The following PPP1R12A variants were observed in gnomAD, a reference collection of about 807,000 sequenced individuals.
PPP1R12A encodes the protein myosin binding subunit.
Under a neutral mutation model 139.6 loss-of-function variants are expected in PPP1R12A, and 19 were observed. That is an observed-to-expected ratio of 0.14 (90% confidence interval 0.09 to 0.20). The LOEUF (loss-of-function observed/expected upper bound fraction) is 0.20, where lower values mean the gene tolerates loss of function less well. PPP1R12A is among the 10% of genes least tolerant of loss of function. The pLI is 1.00. For synonymous variants in PPP1R12A, 427 were observed against 420.6 expected (o/e 1.02, Z -0.19); for missense variants, 925 against 1,211.5 (o/e 0.76, Z 3.51).
intron 1 of PPP1R12A, among the ~76,000 whole-genome samples, chr12:79,879,715 C>G (rs1346478962): frequency 6.6e-6 from 1 of 152,120 alleles, no homozygotes; most frequent in Admixed American, 6.6e-5. Context: ...GGGAGAATGA[C>G]AGGAGGGACA....
At chr12:79,855,949 G>A (rs1179225464) in intron 2 of PPP1R12A, among the ~76,000 whole-genome samples, 2 of 151,438 alleles carry the variant, frequency 1.3e-5, no homozygotes, top group Non-Finnish European at 2.9e-5. Context: ...TAAGCACTTG[G>A]TAAACGTTAG....
intron 1 of PPP1R12A, among the ~76,000 whole-genome samples, chr12:79,912,004 T>G (rs1206702825): frequency 6.6e-6 from 1 of 152,210 alleles, no homozygotes; most frequent in Non-Finnish European, 1.5e-5. Context: ...CTATACTGTT[T>G]GCTATACCAT....
chr12:79,826,662 A>G (rs1028263368), intron 5 of PPP1R12A, among the ~76,000 whole-genome samples: 1 of 152,212 alleles, frequency 6.6e-6, no homozygotes, highest in African/African-American at 2.4e-5. Flanking sequence ...CTCTGATAGC[A>G]AAATTATGAT....
chr12:79,913,984 C>CTTAA (rs1289957731), intron 1 of PPP1R12A: 1 of 152,012 alleles, frequency 6.6e-6, no homozygotes, highest in African/African-American at 2.4e-5. Context: ...ATTCAGCTGT[C>CTTAA]TTAATTAAGA....
At chr12:79,777,154 T>C in intron 24 of PPP1R12A, 3 of 880,348 alleles carry the variant, frequency 3.4e-6, no homozygotes, top group Middle Eastern at 5.9e-4. Context: ...AGCTTCAAAA[T>C]ATATTAATTA....
chr12:79,858,748 T>C (rs775250099), intron 2 of PPP1R12A, among the ~76,000 whole-genome samples: 1 of 152,238 alleles, frequency 6.6e-6, no homozygotes, highest in Middle Eastern at 3.4e-3. Flanking sequence ...TGAGGCAAGA[T>C]GCCTAGTCTG....
chr12:79,882,748 T>C (rs1270377154), intron 1 of PPP1R12A, among the ~76,000 whole-genome samples: 1 of 152,126 alleles, frequency 6.6e-6, no homozygotes, highest in East Asian at 1.9e-4. Flanking sequence ...AAGAGTCAGT[T>C]GATGAGGGAA....
At chr12:79,820,711 CATCTT>C (rs765088156) in intron 8 of PPP1R12A, 58 bp downstream of exon 8, 120 of 1,558,898 alleles carry the variant, frequency 7.7e-5, no homozygotes, top group Non-Finnish European at 1.2e-5. Context: ...AATTACGTCT[CATCTT>C]GTCTTATTTT....
At chr12:79,778,698 C>A in intron 23 of PPP1R12A, 98 bp from the exon 24 acceptor site, 2 of 781,538 alleles carry the variant, frequency 2.6e-6, no homozygotes, top group South Asian at 3.4e-5. Flanking sequence ...ATTAAAGGTC[C>A]AATCAGGAGC....
intron 18 of PPP1R12A, among the ~76,000 whole-genome samples, chr12:79,795,207 T>G (rs1250736515): frequency 6.6e-6 from 1 of 152,162 alleles, no homozygotes; most frequent in African/African-American, 2.4e-5. Context: ...TTTACAAGAC[T>G]GTTGTAATTT....
intron 14 of PPP1R12A, among the ~76,000 whole-genome samples, chr12:79,799,593 A>AT (rs1401154572): frequency 6.6e-6 from 1 of 152,118 alleles, no homozygotes; most frequent in East Asian, 1.9e-4. Context: ...TAAGTAACTG[A>AT]TTTTCTGATA....
rs560157961 is a variant in PPP1R12A at position 79,860,877 on chromosome 12, C to T, written c.368+11931G>A. Among the ~76,000 whole-genome samples the T allele has an allele frequency of 4.0e-4, 60 of 151,898 alleles. 1 individual carries two copies. The East Asian group carries it at 7.3e-3, about 19-fold the overall frequency. On this transcript the variant is annotated intron_variant, in intron 2 of 24. Transcript: ENST00000450142. ...ATCATACTGGTGGTGGTGGTGGTGG[C>T]GGCATTATTATACTCAGTGTAACGT...
intron 2 of PPP1R12A, among the ~76,000 whole-genome samples, chr12:79,866,833 G>C (rs892397093): frequency 3.3e-5 from 5 of 152,218 alleles, no homozygotes; most frequent in African/African-American, 1.2e-4. Context: ...ATGCTGGAGA[G>C]GTTGTGGAAA....
chr12:79,813,581 C>G (rs148303383), intron 9 of PPP1R12A, among the ~76,000 whole-genome samples: 87 of 152,174 alleles, frequency 5.7e-4, no homozygotes, highest in African/African-American at 2.0e-3. Context: ...AATGTACACC[C>G]ATATAGAAGA....
At chr12:79,778,250 TA>T (rs1284109447) in intron 24 of PPP1R12A, 2 of 190,010 alleles carry the variant, frequency 1.1e-5, no homozygotes, top group Non-Finnish European at 2.1e-5. Flanking sequence ...TATTATTGTC[TA>T]ACTTTTTCTA....
chr12:79,788,448 T>C (rs1871382560), intron 21 of PPP1R12A, 200 bp downstream of exon 21: 2 of 510,164 alleles, frequency 3.9e-6, no homozygotes, highest in Non-Finnish European at 6.7e-6. Flanking sequence ...TACTTAAATG[T>C]AAAATCATCT....
chr12:79,798,663 A>C (rs1440800260), intron 14 of PPP1R12A, 79 bp from the exon 15 acceptor site: 9 of 744,222 alleles, frequency 1.2e-5, no homozygotes, highest in Non-Finnish European at 1.9e-5. Flanking sequence ...CATATGAATA[A>C]AACATACAGG....
chr12:79,864,020 A>C (rs1881677292), intron 2 of PPP1R12A, among the ~76,000 whole-genome samples: 1 of 152,186 alleles, frequency 6.6e-6, no homozygotes, highest in African/African-American at 2.4e-5. Context: ...CTCCACCCCA[A>C]ATCATCAGAA....
At chr12:79,864,993 A>G (rs1236733686) in intron 2 of PPP1R12A, among the ~76,000 whole-genome samples, 1 of 152,180 alleles carries the variant, frequency 6.6e-6, no homozygotes, top group Non-Finnish European at 1.5e-5. Context: ...CTTGATACCA[A>G]AGCCTGGCAG....
Sources: allele counts gnomAD v4.1 joint callset (sites outside exome capture counted in the v4.1 genomes callset), GRCh38; gene constraint gnomAD v4.1.1; transcripts MANE v1.5; gene names NCBI Gene and HGNC (gene_info 2026-07-23, HGNC 2026-07-21).